Variants in TACC2 observed in about 807,000 individuals in gnomAD.
The protein encoded by TACC2 is transforming acidic coiled-coil-containing protein 2.
In TACC2, 137 loss-of-function variants were observed where a neutral mutation model predicts 227.3. The observed-to-expected ratio is 0.60, with a 90% CI of 0.52 to 0.69. The LOEUF is 0.69. Among genes scored for constraint, TACC2 ranks in the 30% least tolerant of loss-of-function variants. TACC2 has a pLI of 0.00. For synonymous variants in TACC2, 1,523 were observed against 1,487.5 expected (o/e 1.02, Z -0.55); for missense variants, 3,470 against 3,694.4 (o/e 0.94, Z 1.57).
chr10:122,190,831 A>G lies in TACC2; in HGVS notation c.5835-4209A>G, dbSNP rs147758001. The stretch of plus-strand genomic sequence containing the variant: ...AGTGTCAGGTTTTTGAGTTCCTCCA[A>G]ACAACTTAATTGCTCTCGATGATGG... On this transcript the variant is annotated intron_variant, in intron 7 of 22. Transcript: ENST00000369005. Among the ~76,000 whole-genome samples the G allele has an allele frequency of 2.8e-4, 42 of 152,284 alleles. 2 individuals carry two copies. Among genetic ancestry groups the G allele is most frequent in the Admixed American group, 1.9e-3 (29 of 15,296 alleles).
chr10:122,208,857 C>G lies in TACC2; in HGVS notation c.5972-1540C>G, dbSNP rs575294718. ...TCCCAGTACTTAGGCCTGCAGACCGCTTTATCGTGTTTGCCCTCTTGTCCA... is the reference window on the plus strand; with the variant it reads ...TCCCAGTACTTAGGCCTGCAGACCGGTTTATCGTGTTTGCCCTCTTGTCCA... On this transcript the variant is annotated intron_variant, in intron 8 of 22. Coordinates refer to ENST00000369005, the MANE Select transcript of TACC2 (RefSeq NM_206862.4). Among the ~76,000 whole-genome samples the G allele has an allele frequency of 2.0e-5, 3 of 152,314 alleles. No individual in the cohort carries two copies. In the South Asian group the frequency reaches 6.2e-4, roughly 32 times the overall value.
intron 11 of TACC2, among the ~76,000 whole-genome samples, chr10:122,217,360 G>T (rs765367035): frequency 6.6e-6 from 1 of 151,564 alleles, no homozygotes; most frequent in Non-Finnish European, 1.5e-5. Flanking sequence ...AATGGGCTCC[G>T]GACAACTTTG....
chr10:122,241,390 C>G (rs2095989328), intron 18 of TACC2, among the ~76,000 whole-genome samples: 1 of 152,142 alleles, frequency 6.6e-6, no homozygotes, highest in African/African-American at 2.4e-5. Flanking sequence ...CTCCTGGGCT[C>G]AAGTGATCCT....
At chr10:122,046,688 G>A (rs2075045412) in intron 2 of TACC2, among the ~76,000 whole-genome samples, 1 of 152,010 alleles carries the variant, frequency 6.6e-6, no homozygotes, top group African/African-American at 2.4e-5. Context: ...TCTGTTGTTT[G>A]CATCTGTCTG....
Position 122,087,406 on chromosome 10 carries a change from C to T in TACC2, c.4906C>T (p.Pro1636Ser), listed in dbSNP as rs2080204818. 1 of 1,614,032 alleles carries T rather than the reference C, an allele frequency of 6.2e-7. No homozygotes were observed. The highest frequency in any genetic ancestry group is 2.2e-5 in the East Asian group (1 of 44,878). Reference sequence around the variant, plus strand: ...GCCAAGGTCCACGTGTGCCCCTTCTCCTCAGAGGGAGGTTTTGACTGTGCC... The same window carrying T: ...GCCAAGGTCCACGTGTGCCCCTTCTTCTCAGAGGGAGGTTTTGACTGTGCC... ...HVPRSTCAPS[P>S]QREVLTVPEA... Residue 1636 changes from proline (P) to serine (S), a missense_variant, in exon 4 of 23, where the codon CCT becomes TCT. By Grantham distance (74) the Pro-to-Ser change is moderately conservative. This residue lies in a region of TACC2 where 1,924 missense variants were observed against 1,978.3 expected (regional missense o/e 0.97). Coordinates refer to ENST00000369005, the MANE Select transcript of TACC2 (RefSeq NM_206862.4).
intron 2 of TACC2, among the ~76,000 whole-genome samples, chr10:122,039,615 C>A (rs915433682): frequency 2.6e-5 from 4 of 152,176 alleles, no homozygotes; most frequent in African/African-American, 9.6e-5. Context: ...CACAACAGGA[C>A]CTCTCCTCGG....
intron 1 of TACC2, among the ~76,000 whole-genome samples, chr10:121,994,243 G>C (rs372349328): frequency 6.6e-6 from 1 of 152,204 alleles, no homozygotes; most frequent in African/African-American, 2.4e-5. Context: ...GTGATGACCT[G>C]TCCCTATTTA....
intron 1 of TACC2, among the ~76,000 whole-genome samples, chr10:122,009,099 G>C (rs895195973): frequency 1.3e-5 from 2 of 152,184 alleles, no homozygotes; most frequent in African/African-American, 4.8e-5. Context: ...TTGTGGTAGG[G>C]TGAGGGCAGG....
rs1032652539 is a variant in TACC2, at chr10:122,041,479, C to T, written c.34-8959C>T. Among the ~76,000 whole-genome samples the T allele has an allele frequency of 2.0e-5, 3 of 149,880 alleles. No homozygotes were observed. The Admixed American group carries it at 2.0e-4, about 10-fold the overall frequency. On this transcript the variant is annotated intron_variant, in intron 2 of 22. Transcript: ENST00000369005. The stretch of plus-strand genomic sequence containing the variant: ...TTTCTCGTAACGAGACAGAGTCCTG[C>T]TTTGTCACCCAGGCTGGAATGCAAT...
intron 5 of TACC2, 65 bp from the exon 6 acceptor site, chr10:122,132,544 C>G (rs778468385): frequency 5.0e-6 from 8 of 1,597,912 alleles, no homozygotes; most frequent in South Asian, 1.1e-5. Context: ...AGCGAAACTC[C>G]GTCTCAAAAC....
intron 3 of TACC2, among the ~76,000 whole-genome samples, chr10:122,071,892 A>G (rs2078114279): frequency 6.6e-6 from 1 of 150,572 alleles, no homozygotes; most frequent in South Asian, 2.1e-4. Flanking sequence ...GTCTCAAAAA[A>G]AAAAAAAAAA....
At chr10:122,183,065 C>T (rs1011336590) in intron 7 of TACC2, among the ~76,000 whole-genome samples, 1 of 152,056 alleles carries the variant, frequency 6.6e-6, no homozygotes. Context: ...GTTAGATGGG[C>T]GTGGTGGCAC....
intron 7 of TACC2, among the ~76,000 whole-genome samples, chr10:122,176,167 C>T (rs948533555): frequency 7.8e-5 from 11 of 141,886 alleles, no homozygotes; most frequent in Non-Finnish European, 1.7e-4. Context: ...TTGGAGTAGT[C>T]AAGTTGTAAG....
rs1449661928 is a variant in TACC2 at position 122,237,533 on chromosome 10, G to A, written c.8266G>A (p.Ala2756Thr). 1 of 1,612,022 alleles carries A rather than the reference G, an allele frequency of 6.2e-7. No homozygotes were observed. Among genetic ancestry groups the A allele is most frequent in the African/African-American group, 1.3e-5 (1 of 74,846 alleles). Reference protein sequence around the residue: ...DLDSALQIARAEIITKEREVS... With the variant: ...DLDSALQIARTEIITKEREVS... ...GGACTCTGCCCTCCAGATCGCCAGA[G>A]CAGAGGTATCGTGGCATGTGGTGTA... Residue 2756 changes from alanine (A) to threonine (T), a missense_variant, in exon 17 of 23, where the codon GCA (alanine) becomes ACA (threonine). Around this residue, in one of 10 missense-constraint regions of TACC2, gnomAD observed 345 missense variants for 354.4 expected, o/e 0.97. Coordinates refer to ENST00000369005, the MANE Select transcript of TACC2 (RefSeq NM_206862.4).
Position 122,032,799 on chromosome 10 carries a change from A to G in TACC2, c.33+10785A>G, listed in dbSNP as rs183737768. Among the ~76,000 whole-genome samples the G allele has an allele frequency of 2.6e-4, 39 of 152,192 alleles. 1 individual carries two copies. In the East Asian group the frequency reaches 7.6e-3, roughly 30 times the overall value. On this transcript the variant is annotated intron_variant, in intron 2 of 22. Transcript: ENST00000369005. ...CATGGTGAAACCCCATCTCTACTAA[A>G]AATACAAAAATTAGCCGGGCGTGGT...
At chr10:122,115,271 AGTGTGT>A (rs1180604805) in intron 5 of TACC2, among the ~76,000 whole-genome samples, 1,177 of 60,706 alleles carry the variant, frequency 0.019, 13 homozygotes, top group Middle Eastern at 0.02. Flanking sequence ...TAGGTAGGTG[AGTGTGT>A]GTGTGTGTGT....
intron 8 of TACC2, among the ~76,000 whole-genome samples, chr10:122,204,151 AGAGAGGGAGAGGGAGACCGTGGG>A (rs2095016241): frequency 8.3e-6 from 1 of 120,718 alleles, no homozygotes; most frequent in Non-Finnish European, 1.6e-5. Context: ...GACCTTGGAA[AGAGAGGGAGAGGGAGACCGTGGG>A]GAGAGGGAGA....
intron 7 of TACC2, among the ~76,000 whole-genome samples, chr10:122,168,990 A>C (rs556742628): frequency 3.3e-4 from 50 of 152,324 alleles, no homozygotes; most frequent in African/African-American, 1.1e-3. Flanking sequence ...TGTGAAAACC[A>C]ATTGTTCATG....
At chr10:122,147,001 G>T (rs1565433462) in intron 7 of TACC2, among the ~76,000 whole-genome samples, 1 of 152,176 alleles carries the variant, frequency 6.6e-6, no homozygotes, top group East Asian at 1.9e-4. Context: ...GACTGGGCCT[G>T]TGGGTTCTGG....
Sources: gnomAD v4.1 joint callset for allele counts (sites outside exome capture counted in the v4.1 genomes callset) on GRCh38, gnomAD v4.1.1 for gene constraint, gnomAD v4.1.1 regional missense constraint, MANE v1.5 for transcripts, NCBI Gene and HGNC (gene_info 2026-07-23, HGNC 2026-07-21) for gene names.